Variants in ZFHX3 observed in about 807,000 individuals in gnomAD.
ZFHX3 encodes zinc finger homeobox 3.
A neutral mutation model predicts 279.1 loss-of-function variants in ZFHX3; 42 were observed. The ratio of observed to expected loss-of-function variants is 0.15; its 90% CI spans 0.12 to 0.19. The LOEUF (loss-of-function observed/expected upper bound fraction) is 0.19. Ranked by LOEUF, ZFHX3 falls within the 10% of genes least tolerant of loss-of-function variation. ZFHX3 has a pLI of 1.00. For missense variants in ZFHX3, 4,981 were observed against 4,754.0 expected, an observed-to-expected ratio of 1.05 and a Z score of -1.40; for synonymous variants, 2,293 against 1,957.8, an observed-to-expected ratio of 1.17 and a Z score of -4.52.
In ZFHX3 at chr16:72,787,000, AG is replaced by A; in HGVS notation, c.*163del. ...AGAATGTAAAATCACCGGCATAGAT[AG>A]GTATATGGGAAAACAACCCACGCTT... On this transcript the variant is annotated 3_prime_UTR_variant, in exon 10 of 10. Transcript: ENST00000268489. The A allele has an allele frequency of 1.8e-6, 1 of 555,468 alleles. No individual in the cohort carries two copies. The highest frequency in any genetic ancestry group is 2.6e-6 in the Non-Finnish European group (1 of 382,516). The allele number at this position is 555,468 out of a possible 1,614,324, so 34.4% of individuals were successfully genotyped here.
chr16:73,430,341 T>C (rs1186084334), intron 3 of ZFHX3, among the ~76,000 whole-genome samples: 1 of 152,148 alleles, frequency 6.6e-6, no homozygotes, highest in African/African-American at 2.4e-5. Context: ...ATACTTAAAC[T>C]AAAAATGATG....
At chr16:73,132,427 G>A (rs1242116095) in intron 6 of ZFHX3, among the ~76,000 whole-genome samples, 2 of 152,154 alleles carry the variant, frequency 1.3e-5, no homozygotes, top group African/African-American at 2.4e-5. Context: ...GAGGGAAGGA[G>A]ACTGGGAGCC....
chr16:73,416,122 C>CAA (rs1234376040), intron 3 of ZFHX3, among the ~76,000 whole-genome samples: 9,993 of 74,486 alleles, frequency 0.13, 519 homozygotes, highest in Middle Eastern at 0.23. Context: ...GACTCCATCT[C>CAA]AAAAAAAAAA....
At position 72,959,956 on chromosome 16, in the gene ZFHX3, T is replaced by A. The variant is rs1455024159; in HGVS notation, c.190A>T (p.Ser64Cys). 1 of 1,606,852 alleles carries A rather than the reference T, an allele frequency of 6.2e-7. No homozygotes were observed. The change falls in exon 2 of 10, where the codon AGC (serine) becomes TGC (cysteine). Residue 64 changes from serine (S) to cysteine (C), a missense_variant. Physicochemically the swap from Ser to Cys is moderately radical, Grantham distance 112. This residue lies in a region of ZFHX3 where 1,068 missense variants were observed against 935.2 expected (regional missense o/e 1.14). Coordinates refer to ENST00000268489, the MANE Select transcript of ZFHX3 (RefSeq NM_006885.4). The part of the protein sequence containing the change: ...RAPFNERLAE[S>C]TASAGPPSEP... ...GAGGGGGGCCCGGCCGACGCGGTGC[T>A]CTCCGCGAGGCGCTCATTGAAGGGG... is the stretch of plus-strand genomic sequence containing the variant.
chr16:73,688,053 C>T (rs2053108859), intron 1 of ZFHX3, among the ~76,000 whole-genome samples: 1 of 151,830 alleles, frequency 6.6e-6, no homozygotes, highest in Admixed American at 6.6e-5. Context: ...ATGTTTGTGT[C>T]TCCCCAAAAT....
intron 2 of ZFHX3, chr16:73,505,101 A>G (rs2019302831): frequency 6.6e-6 from 1 of 152,178 alleles, no homozygotes; most frequent in South Asian, 2.1e-4. Context: ...CAGCTGGAAG[A>G]TTAAATTAAG....
chr16:73,305,247 G>A (rs1335992324), intron 4 of ZFHX3, among the ~76,000 whole-genome samples: 2 of 152,064 alleles, frequency 1.3e-5, no homozygotes, highest in Non-Finnish European at 2.9e-5. Context: ...AATTCACCAG[G>A]GGAGCCTGGA....
chr16:72,861,951 G>A (rs968957457), intron 4 of ZFHX3, among the ~76,000 whole-genome samples: 3 of 152,154 alleles, frequency 2.0e-5, no homozygotes, highest in African/African-American at 7.2e-5. Context: ...GGAGGCAGAG[G>A]CTGCAATGAG....
chr16:73,055,151 TGTAACTGGA>T (rs1226766541), intron 1 of ZFHX3, among the ~76,000 whole-genome samples: 1 of 152,044 alleles, frequency 6.6e-6, no homozygotes, highest in African/African-American at 2.4e-5. Flanking sequence ...AATAGTTTGT[TGTAACTGGA>T]ATAACTGGTC....
Position 72,797,787 on chromosome 16 carries a change from G to A in ZFHX3, c.4895C>T (p.Ala1632Val), listed in dbSNP as rs1212607238. The A allele has an allele frequency of 2.5e-6, 4 of 1,614,002 alleles. No homozygotes were observed. The highest frequency in any genetic ancestry group is 1.1e-5 in the South Asian group (1 of 91,082). The change falls in exon 9 of 10, where the codon GCA (alanine) becomes GTA (valine). Residue 1632 changes from alanine (A) to valine (V), a missense_variant. This residue lies in a region of ZFHX3 where 1,751 missense variants were observed against 1,770.0 expected (regional missense o/e 0.99). Coordinates refer to ENST00000268489, the MANE Select transcript of ZFHX3 (RefSeq NM_006885.4). ...TKARAAKLEA[A>V]SGSSNGTGNS... ...CCCAGTCCCATTGCTGCTGCCACTT[G>A]CAGCCTCCAGCTTGGCTGCCCGGGC...
intron 3 of ZFHX3, among the ~76,000 whole-genome samples, chr16:73,325,202 G>A (rs1434178673): frequency 1.3e-5 from 2 of 152,062 alleles, no homozygotes; most frequent in East Asian, 3.9e-4. Context: ...GATGGGGAGA[G>A]GTGGATGGTT....
chr16:73,195,439 G>T (rs1161508177), intron 5 of ZFHX3, among the ~76,000 whole-genome samples: 7 of 122,736 alleles, frequency 5.7e-5, no homozygotes, highest in African/African-American at 1.9e-4. Flanking sequence ...TTTTTTTTGA[G>T]ATGGAGTCTT....
At chr16:73,368,979 A>T (rs1301640627) in intron 3 of ZFHX3, among the ~76,000 whole-genome samples, 1 of 152,238 alleles carries the variant, frequency 6.6e-6, no homozygotes, top group Admixed American at 6.5e-5. Flanking sequence ...TGTCACAGAC[A>T]GATACAATGT....
chr16:72,806,726 C>G (rs2036277704), intron 7 of ZFHX3, among the ~76,000 whole-genome samples: 1 of 152,008 alleles, frequency 6.6e-6, no homozygotes, highest in South Asian at 2.1e-4. Flanking sequence ...AGGTTACAAA[C>G]TATTGGTCTC....
intron 1 of ZFHX3, among the ~76,000 whole-genome samples, chr16:73,685,727 C>T (rs2053075704): frequency 6.6e-6 from 1 of 152,104 alleles, no homozygotes. Flanking sequence ...AACAAAATGC[C>T]CACAATGATT....
intron 1 of ZFHX3, among the ~76,000 whole-genome samples, chr16:73,755,227 A>AT (rs1309759389): frequency 1.3e-5 from 2 of 152,058 alleles, no homozygotes; most frequent in Non-Finnish European, 2.9e-5. Flanking sequence ...ATCTCCTGAG[A>AT]TTTTCCCCTT....
chr16:73,049,823 G>C (rs965979405), upstream of ZFHX3, among the ~76,000 whole-genome samples: 7 of 152,152 alleles, frequency 4.6e-5, no homozygotes, highest in African/African-American at 1.7e-4. Flanking sequence ...CCCAAGAACA[G>C]GTGGTGTTTT....
chr16:72,887,736 T>C (rs1032295816), intron 4 of ZFHX3, among the ~76,000 whole-genome samples: 5 of 150,992 alleles, frequency 3.3e-5, no homozygotes, highest in Non-Finnish European at 1.5e-5. Context: ...CGTGTGGGTG[T>C]AGTATATGGC....
At chr16:73,800,293 T>C (rs944855097) in intron 1 of ZFHX3, among the ~76,000 whole-genome samples, 5 of 152,040 alleles carry the variant, frequency 3.3e-5, no homozygotes, top group South Asian at 2.1e-4. Context: ...TTTCAGCTCA[T>C]TGAAACTTCC....
Sources: gnomAD v4.1 joint callset for allele counts (sites outside exome capture counted in the v4.1 genomes callset) on GRCh38, gnomAD v4.1.1 for gene constraint, gnomAD v4.1.1 regional missense constraint, MANE v1.5 for transcripts, NCBI Gene and HGNC (gene_info 2026-07-23, HGNC 2026-07-21) for gene names.